The following PRKG2 variants were observed in gnomAD, a reference collection of about 807,000 sequenced individuals.
PRKG2 encodes the protein protein kinase cGMP-dependent 2.
Under a neutral mutation model 97.2 loss-of-function variants are expected in PRKG2, and 33 were observed. That is an observed-to-expected ratio of 0.34 (90% CI 0.26 to 0.45). The LOEUF is 0.45. PRKG2 is among the 20% of genes least tolerant of loss of function. The pLI, the probability that PRKG2 is intolerant of heterozygous loss-of-function variation, is 1.00. For synonymous variants in PRKG2, 330 were observed against 321.8 expected (o/e 1.03, Z -0.27); for missense variants, 638 against 900.0 (o/e 0.71, Z 3.73).
At chr4:81,143,350 G>A (rs537779008) in intron 10 of PRKG2, among the ~76,000 whole-genome samples, 2 of 152,176 alleles carry the variant, frequency 1.3e-5, no homozygotes, top group East Asian at 3.9e-4. Flanking sequence ...ATGAAACAAG[G>A]AAGCCACTTC....
intron 7 of PRKG2, chr4:81,153,400 G>T (rs1475901036): frequency 7.9e-6 from 3 of 378,142 alleles, no homozygotes; most frequent in Non-Finnish European, 1.4e-5. Context: ...AATTAAGCTA[G>T]GTCTCTCCCC....
chr4:81,194,894 T>G (rs1318572327), intron 2 of PRKG2, among the ~76,000 whole-genome samples: 1 of 151,178 alleles, frequency 6.6e-6, no homozygotes, highest in South Asian at 2.1e-4. Context: ...TGGCTTCATA[T>G]GAGAATCAGC....
intron 18 of PRKG2, among the ~76,000 whole-genome samples, chr4:81,091,273 TTTA>T (rs3042593): frequency 4.6e-5 from 7 of 151,500 alleles, no homozygotes; most frequent in African/African-American, 1.2e-4. Context: ...CAGTAGTGTT[TTTA>T]TTATTATTAT....
chr4:81,210,955 T>C (rs1457357413), intron 1 of PRKG2, among the ~76,000 whole-genome samples: 1 of 152,138 alleles, frequency 6.6e-6, no homozygotes, highest in Non-Finnish European at 1.5e-5. Context: ...GAAAAGCCTA[T>C]ACATTGTATG....
At chr4:81,167,932 A>G (rs1339398627) in intron 5 of PRKG2, among the ~76,000 whole-genome samples, 1 of 152,070 alleles carries the variant, frequency 6.6e-6, no homozygotes, top group Non-Finnish European at 1.5e-5. Context: ...TCTCTTCCCT[A>G]GGTTGGGCAG....
At chr4:81,105,747 G>A in intron 16 of PRKG2, 66 bp downstream of exon 16, 3 of 1,570,952 alleles carry the variant, frequency 1.9e-6, no homozygotes, top group Non-Finnish European at 2.6e-6. Context: ...TTTAAAATGT[G>A]TAGAAACAGA....
chr4:81,182,440 A>C (rs1751497788), intron 2 of PRKG2, among the ~76,000 whole-genome samples: 2 of 152,068 alleles, frequency 1.3e-5, no homozygotes. Flanking sequence ...AACAAAAACA[A>C]AAACACATCA....
chr4:81,197,993 T>C (rs990846121), intron 2 of PRKG2, among the ~76,000 whole-genome samples: 14 of 152,290 alleles, frequency 9.2e-5, no homozygotes, highest in African/African-American at 3.4e-4. Context: ...TTTTGTGTAG[T>C]GTAAAAATAG....
chr4:81,131,058 A>C (rs1345992645), intron 14 of PRKG2, among the ~76,000 whole-genome samples: 1 of 152,178 alleles, frequency 6.6e-6, no homozygotes, highest in Admixed American at 6.6e-5. Flanking sequence ...CAGCTAGCTC[A>C]GTGTCTGCCC....
chr4:81,125,989 T>A (rs1454538234), intron 14 of PRKG2, among the ~76,000 whole-genome samples: 1 of 152,164 alleles, frequency 6.6e-6, no homozygotes, highest in East Asian at 1.9e-4. Flanking sequence ...CAACCTGTCA[T>A]CTACATTAGG....
chr4:81,215,658 A>G (rs1754244479), upstream of PRKG2, among the ~76,000 whole-genome samples: 2 of 150,590 alleles, frequency 1.3e-5, no homozygotes, highest in South Asian at 2.1e-4. Flanking sequence ...TGTCACACCA[A>G]TGCCTTTCTA....
chr4:81,131,512 C>T (rs1746176612), intron 14 of PRKG2, among the ~76,000 whole-genome samples: 1 of 152,184 alleles, frequency 6.6e-6, no homozygotes. Flanking sequence ...GAGTTCTTTA[C>T]ATATTCTAGA....
intron 14 of PRKG2, among the ~76,000 whole-genome samples, chr4:81,132,740 C>T (rs1746304203): frequency 6.6e-6 from 1 of 152,180 alleles, no homozygotes; most frequent in Non-Finnish European, 1.5e-5. Context: ...TATATAATTT[C>T]AATCATTATA....
intron 2 of PRKG2, among the ~76,000 whole-genome samples, chr4:81,177,951 A>C (rs1751080166): frequency 6.6e-6 from 1 of 151,730 alleles, no homozygotes; most frequent in South Asian, 2.1e-4. Flanking sequence ...TACTGAACAC[A>C]GTCTTGGCTA....
chr4:81,153,788 T>C (rs1578431358), intron 6 of PRKG2, 67 bp from the exon 7 acceptor site: 1 of 1,110,494 alleles, frequency 9.0e-7, no homozygotes, highest in Non-Finnish European at 1.4e-6. Flanking sequence ...TAGGAACAGC[T>C]CCAGTATACA....
chr4:81,166,743 G>A (rs1416677143), intron 6 of PRKG2, among the ~76,000 whole-genome samples: 5 of 151,984 alleles, frequency 3.3e-5, no homozygotes, highest in Admixed American at 3.3e-4. Flanking sequence ...TGACTCAGAG[G>A]CTTGCCACCA....
intron 2 of PRKG2, among the ~76,000 whole-genome samples, chr4:81,199,712 A>G (rs1158777459): frequency 6.6e-6 from 1 of 152,230 alleles, no homozygotes; most frequent in East Asian, 1.9e-4. Flanking sequence ...CAATAAAGAA[A>G]ACATGTTCTG....
At chr4:81,187,690 A>T (rs1016788377) in intron 2 of PRKG2, among the ~76,000 whole-genome samples, 6 of 152,226 alleles carry the variant, frequency 3.9e-5, no homozygotes, top group Non-Finnish European at 8.8e-5. Flanking sequence ...CTGTTTGCAG[A>T]TGACATGATT....
At chr4:81,208,792 T>A (rs1010316080) in intron 1 of PRKG2, among the ~76,000 whole-genome samples, 1 of 151,964 alleles carries the variant, frequency 6.6e-6, no homozygotes, top group Non-Finnish European at 1.5e-5. Context: ...AGAAAAGAAG[T>A]CATTTGGAAA....
Sources: gnomAD v4.1 joint callset for allele counts (sites outside exome capture counted in the v4.1 genomes callset) on GRCh38, gnomAD v4.1.1 for gene constraint, MANE v1.5 for transcripts, NCBI Gene and HGNC (gene_info 2026-07-23, HGNC 2026-07-21) for gene names.